DLG1: variants seen among roughly 807,000 people sequenced by gnomAD.
DLG1 encodes disks large homolog 1.
Under a neutral mutation model 123.4 loss-of-function variants are expected in DLG1, and 42 were observed. The observed-to-expected ratio is 0.34, with a 90% CI of 0.27 to 0.44. The LOEUF is 0.44. Ranked by LOEUF, DLG1 falls within the 20% of genes least tolerant of loss-of-function variation. The probability of loss-of-function intolerance (pLI) is 1.00; values close to 1 mark genes in which losing one functional copy is unlikely to be tolerated. For synonymous variants in DLG1, 317 were observed against 356.2 expected (o/e 0.89, Z 1.24); for missense variants, 942 against 1,082.6 (o/e 0.87, Z 1.82).
intron 5 of DLG1, among the ~76,000 whole-genome samples, chr3:197,159,436 G>A (rs1052884546): frequency 2.0e-5 from 3 of 152,140 alleles, no homozygotes. Context: ...CATTTTAATA[G>A]ATGAAGGGGG....
chr3:197,191,598 T>C (rs1408484157), intron 5 of DLG1, among the ~76,000 whole-genome samples: 2 of 152,110 alleles, frequency 1.3e-5, no homozygotes, highest in East Asian at 3.9e-4. Flanking sequence ...AAATTATACA[T>C]ATCCTGGGAG....
chr3:197,189,211 G>T (rs963437680), intron 5 of DLG1, among the ~76,000 whole-genome samples: 1 of 152,088 alleles, frequency 6.6e-6, no homozygotes. Context: ...CTCATTGCAG[G>T]TTTCTTTACA....
intron 3 of DLG1, among the ~76,000 whole-genome samples, chr3:197,290,212 A>C (rs1774159485): frequency 6.6e-6 from 1 of 152,252 alleles, no homozygotes. Context: ...GAAAAAAAGA[A>C]GGAAGGCTCT....
chr3:197,210,696 C>A (rs1402741255), intron 4 of DLG1, among the ~76,000 whole-genome samples: 2 of 140,754 alleles, frequency 1.4e-5, no homozygotes, highest in Non-Finnish European at 1.6e-5. Flanking sequence ...AATCTGTTAC[C>A]AAAATTCTTC....
intron 19 of DLG1, among the ~76,000 whole-genome samples, chr3:197,067,046 T>C (rs1740113544): frequency 6.6e-6 from 1 of 152,160 alleles, no homozygotes. Context: ...TACTCCTTTA[T>C]TTAGAATCTA....
At chr3:197,234,839 T>C (rs1003035048) in intron 4 of DLG1, among the ~76,000 whole-genome samples, 2 of 152,176 alleles carry the variant, frequency 1.3e-5, no homozygotes, top group African/African-American at 4.8e-5. Flanking sequence ...TGAACATACA[T>C]TGTATCTCCC....
rs773889252 is a variant in DLG1 at position 197,149,725 on chromosome 3, G to A, written c.537+18C>T. 6 of 1,529,956 alleles carry A rather than the reference G, an allele frequency of 3.9e-6. No individual in the cohort carries two copies. The highest frequency in any genetic ancestry group is 5.4e-6 in the Non-Finnish European group (6 of 1,103,474). The allele number at this position is 1,529,956 out of a possible 1,614,324, so 94.8% of individuals were successfully genotyped here. Reference sequence around the variant, plus strand: ...GAAAGGCAGAATTACTTCAATGTGGGGAGGAAATGGAACTTACGTAAGTTG... The same window carrying A: ...GAAAGGCAGAATTACTTCAATGTGGAGAGGAAATGGAACTTACGTAAGTTG... On this transcript the variant is annotated intron_variant, in intron 6 of 24. Coordinates refer to ENST00000667157, the MANE Select transcript of DLG1 (RefSeq NM_001366207.1).
chr3:197,280,430 G>A (rs1768738402), intron 4 of DLG1, among the ~76,000 whole-genome samples: 1 of 152,034 alleles, frequency 6.6e-6, no homozygotes, highest in Admixed American at 6.6e-5. Flanking sequence ...CTTGGCCACT[G>A]TGAATAGTGC....
In DLG1 at chr3:197,281,100, C is replaced by T. The variant is rs567607335; in HGVS notation, c.318+1579G>A. 9.3e-4 allele frequency among the ~76,000 whole-genome samples: 139 copies of T among 149,536 alleles called. 1 individual carries two copies. Among genetic ancestry groups the T allele is most frequent in the African/African-American group, 3.1e-3 (125 of 40,470 alleles). On this transcript the variant is annotated intron_variant, in intron 4 of 24. Coordinates refer to ENST00000667157, the MANE Select transcript of DLG1 (RefSeq NM_001366207.1). ...TTGCCCAGACTGGAGTGCAGTGATGCCGTCTCAGCTCGCTGCAACCTCCGC... is the reference window on the plus strand; with the variant it reads ...TTGCCCAGACTGGAGTGCAGTGATGTCGTCTCAGCTCGCTGCAACCTCCGC...
intron 4 of DLG1, among the ~76,000 whole-genome samples, chr3:197,247,053 A>G (rs143475627): frequency 2.6e-5 from 4 of 152,336 alleles, no homozygotes; most frequent in Non-Finnish European, 5.9e-5. Context: ...GGGGTTATTT[A>G]ATAATGATCT....
At chr3:197,122,233 T>A (rs999506595) in intron 11 of DLG1, among the ~76,000 whole-genome samples, 7 of 152,006 alleles carry the variant, frequency 4.6e-5, no homozygotes, top group African/African-American at 1.2e-4. Context: ...AGAAAAATCA[T>A]CTCCATAAAT....
intron 5 of DLG1, among the ~76,000 whole-genome samples, chr3:197,182,158 T>C (rs760143842): frequency 6.6e-6 from 1 of 152,162 alleles, no homozygotes; most frequent in Non-Finnish European, 1.5e-5. Context: ...GTTCTAAAGA[T>C]ATCTGTCTTG....
In DLG1 at chr3:197,141,047, T is replaced by TA. The variant is rs571966212; in HGVS notation, c.589-784dup. 2.4e-4 allele frequency among the ~76,000 whole-genome samples: 37 copies of TA among 152,330 alleles called. No individual in the cohort carries two copies. In the East Asian group the frequency reaches 6.6e-3, roughly 27 times the overall value. The stretch of plus-strand genomic sequence containing the variant: ...AAATAATTGATTTAACCAATGGTAT[T>TA]AAAAAATGTTTATTTCTTGAAGAAT... On this transcript the variant is annotated intron_variant, in intron 7 of 24. Coordinates refer to ENST00000667157, the MANE Select transcript of DLG1 (RefSeq NM_001366207.1).
intron 13 of DLG1, among the ~76,000 whole-genome samples, chr3:197,108,692 T>G (rs988183461): frequency 2.0e-5 from 3 of 152,148 alleles, no homozygotes; most frequent in African/African-American, 7.2e-5. Flanking sequence ...GTAGGTGTCT[T>G]TTGGTTACTT....
intron 4 of DLG1, among the ~76,000 whole-genome samples, chr3:197,222,742 C>A (rs1737796350): frequency 6.6e-6 from 1 of 151,964 alleles, no homozygotes; most frequent in South Asian, 2.1e-4. Flanking sequence ...AGAAGACACC[C>A]AAAAAAACAC....
chr3:197,291,728 T>C (rs554325980), intron 3 of DLG1, among the ~76,000 whole-genome samples: 1 of 152,180 alleles, frequency 6.6e-6, no homozygotes, highest in Non-Finnish European at 1.5e-5. Flanking sequence ...CATCTGAGGG[T>C]CCAAGGGCAA....
At chr3:197,057,334 G>C (rs572767890) in intron 23 of DLG1, among the ~76,000 whole-genome samples, 1 of 152,256 alleles carries the variant, frequency 6.6e-6, no homozygotes, top group South Asian at 2.1e-4. Context: ...CTTCTGTCTT[G>C]GGCTCCCAAA....
rs150437071 is a variant in DLG1, at chr3:197,175,240, T to C, written c.483+19185A>G. 2.4e-3 allele frequency among the ~76,000 whole-genome samples: 366 copies of C among 152,334 alleles called. 2 individuals carry two copies. Among genetic ancestry groups the C allele is most frequent in the Non-Finnish European group, 4.7e-3 (323 of 68,026 alleles). On this transcript the variant is annotated intron_variant, in intron 5 of 24. Coordinates refer to ENST00000667157, the MANE Select transcript of DLG1 (RefSeq NM_001366207.1). ...GTAGGCTACTGTTCTCTACATAGTC[T>C]GAACAACTATTTTTACCTTTATCAA...
chr3:197,119,117 A>G (rs1229897594), intron 12 of DLG1, among the ~76,000 whole-genome samples: 1 of 152,238 alleles, frequency 6.6e-6, no homozygotes, highest in African/African-American at 2.4e-5. Flanking sequence ...TAAAATATGC[A>G]TAAGAATTTT....
Sources: allele counts gnomAD v4.1 joint callset (sites outside exome capture counted in the v4.1 genomes callset), GRCh38; gene constraint gnomAD v4.1.1; transcripts MANE v1.5; gene names NCBI Gene and HGNC (gene_info 2026-07-23, HGNC 2026-07-21).